Variants in MAN2A1 observed in about 807,000 individuals in gnomAD.
The protein encoded by MAN2A1 is mannosidase alpha class 2A member 1, also known as alpha-mannosidase 2.
A neutral mutation model predicts 142.6 loss-of-function variants in MAN2A1; 76 were observed. The observed-to-expected ratio is 0.53, with a 90% CI of 0.44 to 0.65. The LOEUF (loss-of-function observed/expected upper bound fraction) is 0.65. Among genes scored for constraint, MAN2A1 ranks in the 30% least tolerant of loss-of-function variants. The pLI is 0.00. For synonymous variants in MAN2A1, 559 were observed against 473.2 expected, an observed-to-expected ratio of 1.18 and a Z score of -2.35; for missense variants, 1,311 against 1,365.1, an observed-to-expected ratio of 0.96 and a Z score of 0.62.
At chr5:109,849,444 C>G (rs1257050131) in intron 19 of MAN2A1, among the ~76,000 whole-genome samples, 5 of 152,128 alleles carry the variant, frequency 3.3e-5, no homozygotes, top group African/African-American at 1.2e-4. Flanking sequence ...TCCCCCCAGT[C>G]AACAGCCACC....
intron 4 of MAN2A1, among the ~76,000 whole-genome samples, chr5:109,731,562 C>G (rs1051776278): frequency 3.0e-5 from 4 of 131,522 alleles, no homozygotes; most frequent in Non-Finnish European, 4.7e-5. Flanking sequence ...CTTCCTGTGT[C>G]CATGTGTTCT....
intron 1 of MAN2A1, among the ~76,000 whole-genome samples, chr5:109,702,723 G>A (rs1289478911): frequency 1.3e-5 from 2 of 152,156 alleles, no homozygotes; most frequent in Non-Finnish European, 2.9e-5. Context: ...CCAGAAATTT[G>A]TATCCTTAAC....
rs200456802 is a variant in MAN2A1, at chr5:109,716,188, C to T, written c.459C>T (p.Asp153=). The T allele has an allele frequency of 3.5e-5, 57 of 1,611,142 alleles. No individual in the cohort carries two copies. The African/African-American group carries it at 6.8e-4, about 19-fold the overall frequency. Residue 153 remains aspartate (D), a synonymous_variant, in exon 3 of 22, where the codon GAC becomes GAT. Transcript: ENST00000261483. ...GTGGAGTTTGGAAGCAAGGATTTGA[C>T]ATTACTTATGAATCTAATGAATGGG... ...PDGGVWKQGF[D]ITYESNEWDT...
rs1328700141 is a variant in MAN2A1 at position 109,866,234 on chromosome 5, G to C, written c.3283-612G>C. Among the ~76,000 whole-genome samples, 6 of 147,782 alleles carry C rather than the reference G, an allele frequency of 4.1e-5. No homozygotes were observed. In the South Asian group the frequency reaches 1.4e-3, roughly 35 times the overall value. ...TTGGTTCTGAGCATTCTGACATTAA[G>C]GCCTTGAGTCATAAGGGGGTTATAC... On this transcript the variant is annotated intron_variant, in intron 21 of 21. Transcript: ENST00000261483.
At chr5:109,806,465 G>A (rs988318480) in intron 12 of MAN2A1, among the ~76,000 whole-genome samples, 2 of 152,078 alleles carry the variant, frequency 1.3e-5, no homozygotes. Flanking sequence ...ACTCTGCTAC[G>A]AGCTAAGTCA....
intron 3 of MAN2A1, among the ~76,000 whole-genome samples, chr5:109,716,840 G>T (rs1751468224): frequency 6.6e-6 from 1 of 152,080 alleles, no homozygotes; most frequent in Non-Finnish European, 1.5e-5. Flanking sequence ...TTTCAATAGG[G>T]TGCAAAGTGA....
At chr5:109,752,440 G>A (rs1283386908) in intron 4 of MAN2A1, among the ~76,000 whole-genome samples, 1 of 152,220 alleles carries the variant, frequency 6.6e-6, no homozygotes, top group Admixed American at 6.5e-5. Context: ...GCTTCTGAGT[G>A]CCGGACGTGC....
At chr5:109,705,559 G>T (rs950409237) in intron 1 of MAN2A1, among the ~76,000 whole-genome samples, 1 of 152,102 alleles carries the variant, frequency 6.6e-6, no homozygotes, top group African/African-American at 2.4e-5. Flanking sequence ...TCTCTAAAAA[G>T]GACTAAGCAT....
At chr5:109,730,781 A>G (rs1445810280) in intron 4 of MAN2A1, among the ~76,000 whole-genome samples, 1 of 152,194 alleles carries the variant, frequency 6.6e-6, no homozygotes, top group Non-Finnish European at 1.5e-5. Flanking sequence ...ACACATAAGG[A>G]CACTGAGTCG....
chr5:109,858,038 T>C (rs1292776771), intron 20 of MAN2A1, among the ~76,000 whole-genome samples: 3 of 152,190 alleles, frequency 2.0e-5, no homozygotes, highest in Non-Finnish European at 4.4e-5. Flanking sequence ...CTAATGACAC[T>C]TACTCCAACT....
chr5:109,713,878 T>C (rs774380184), intron 2 of MAN2A1, 104 bp downstream of exon 2: 19 of 1,026,598 alleles, frequency 1.9e-5, no homozygotes, highest in Non-Finnish European at 2.0e-5. Context: ...TTAAACTCTT[T>C]GGATTCTAGT....
chr5:109,768,555 C>G (rs1199539932), intron 6 of MAN2A1, among the ~76,000 whole-genome samples: 1 of 152,122 alleles, frequency 6.6e-6, no homozygotes, highest in Admixed American at 6.6e-5. Flanking sequence ...TCTCAGTAAA[C>G]TTTCATCTGA....
intron 5 of MAN2A1, among the ~76,000 whole-genome samples, chr5:109,760,126 A>G (rs1378094330): frequency 6.6e-6 from 1 of 151,950 alleles, no homozygotes; most frequent in Admixed American, 6.6e-5. Context: ...TCCTAATGCT[A>G]TCCCTTCCCT....
chr5:109,713,806 CT>C (rs56350644), intron 2 of MAN2A1, 32 bp downstream of exon 2: 82,679 of 1,278,666 alleles, frequency 0.065, no homozygotes, highest in Non-Finnish European at 0.07. Context: ...AATCACTGGC[CT>C]TTTTTTTTTT....
At chr5:109,772,765 C>T (rs1306818393) in intron 7 of MAN2A1, among the ~76,000 whole-genome samples, 3 of 152,156 alleles carry the variant, frequency 2.0e-5, no homozygotes, top group Non-Finnish European at 2.9e-5. Flanking sequence ...CTGCCTCGCC[C>T]TCCCAAAGTG....
In MAN2A1 at chr5:109,817,379, G is replaced by C. The variant is rs756368669; in HGVS notation, c.2050G>C (p.Glu684Gln). 32 of 1,614,072 alleles carry C rather than the reference G, an allele frequency of 2.0e-5. No individual in the cohort carries two copies. The highest frequency in any genetic ancestry group is 2.5e-5 in the Non-Finnish European group (30 of 1,179,996). ...GTTCTCTGCTTCAGGAAAACCTGTGGAAGTTCAAGTCAGCGCAGTTTGGGA... is the reference window on the plus strand; with the variant it reads ...GTTCTCTGCTTCAGGAAAACCTGTGCAAGTTCAAGTCAGCGCAGTTTGGGA... ...QVFSASGKPVEVQVSAVWDTA... is the reference protein window; with the variant it reads ...QVFSASGKPVQVQVSAVWDTA... Residue 684 changes from glutamate (E) to glutamine (Q), a missense_variant, in exon 13 of 22, where the codon GAA (glutamate) becomes CAA (glutamine). Around this residue, in one of 3 missense-constraint regions of MAN2A1, gnomAD observed 890 missense variants for 920.5 expected, o/e 0.97. Coordinates refer to ENST00000261483, the MANE Select transcript of MAN2A1 (RefSeq NM_002372.4).
At chr5:109,717,981 T>C (rs1186490023) in intron 3 of MAN2A1, among the ~76,000 whole-genome samples, 3 of 152,222 alleles carry the variant, frequency 2.0e-5, no homozygotes, top group Admixed American at 6.5e-5. Flanking sequence ...TGCTCCCACT[T>C]AATGTAGGAT....
At chr5:109,723,107 A>G (rs1402800850) in intron 3 of MAN2A1, among the ~76,000 whole-genome samples, 1 of 152,188 alleles carries the variant, frequency 6.6e-6, no homozygotes, top group Non-Finnish European at 1.5e-5. Flanking sequence ...ACAGTTGTAC[A>G]TTGTACGTAT....
At chr5:109,854,996 G>T in intron 19 of MAN2A1, 144 bp from the exon 20 acceptor site, 1 of 445,622 alleles carries the variant, frequency 2.2e-6, no homozygotes, top group Non-Finnish European at 3.9e-6. Flanking sequence ...AGTTTATGGA[G>T]TATTTTCTAA....
Sources: gnomAD v4.1 joint callset for allele counts (sites outside exome capture counted in the v4.1 genomes callset) on GRCh38, gnomAD v4.1.1 for gene constraint, gnomAD v4.1.1 regional missense constraint, MANE v1.5 for transcripts, NCBI Gene and HGNC (gene_info 2026-07-23, HGNC 2026-07-21) for gene names.